The following TAF2 variants were observed in gnomAD, a reference collection of about 807,000 sequenced individuals.
TAF2 encodes the protein transcription initiation factor TFIID subunit 2.
TAF2 carries 61 observed loss-of-function variants against 138.5 expected under a neutral mutation model. That is an observed-to-expected ratio of 0.44 (90% confidence interval 0.36 to 0.54). The LOEUF (loss-of-function observed/expected upper bound fraction) is 0.54, where lower values mean the gene tolerates loss of function less well. Among genes scored for constraint, TAF2 ranks in the 20% least tolerant of loss-of-function variants. The pLI is 0.00. For missense variants in TAF2, 1,090 were observed against 1,427.9 expected, an observed-to-expected ratio of 0.76 and a Z score of 3.81; for synonymous variants, 475 against 469.9, an observed-to-expected ratio of 1.01 and a Z score of -0.14.
chr8:119,765,668 G>A (rs1017686465), intron 18 of TAF2, among the ~76,000 whole-genome samples: 1 of 151,994 alleles, frequency 6.6e-6, no homozygotes, highest in Admixed American at 6.5e-5. Flanking sequence ...TTTTTAAGGA[G>A]GAAAGAAATT....
chr8:119,754,990 G>A (rs767401693), intron 22 of TAF2, among the ~76,000 whole-genome samples: 6 of 152,176 alleles, frequency 3.9e-5, no homozygotes, highest in Admixed American at 3.9e-4. Context: ...TAACATTTTT[G>A]AGTATTTCAT....
chr8:119,830,699 A>G (rs1162030185), intron 2 of TAF2, among the ~76,000 whole-genome samples: 1 of 152,248 alleles, frequency 6.6e-6, no homozygotes, highest in Non-Finnish European at 1.5e-5. Context: ...ATATACATAC[A>G]TGGGTAACAA....
At position 119,831,573 on chromosome 8, in the gene TAF2, A is replaced by G. The variant is rs553652840; in HGVS notation, c.138+104T>C. On this transcript the variant is annotated intron_variant, in intron 2 of 25. Transcript: ENST00000378164. ...TTTAATTCTTACCTATTCTTGAAACACAATTATCTGGAAGACTACAAACTT... is the reference window on the plus strand; with the variant it reads ...TTTAATTCTTACCTATTCTTGAAACGCAATTATCTGGAAGACTACAAACTT... 33 of 807,832 alleles carry G rather than the reference A, an allele frequency of 4.1e-5. No homozygotes were observed. The East Asian group carries it at 8.6e-4, about 21-fold the overall frequency. The allele number at this position is 807,832 out of a possible 1,614,324, so 50.0% of individuals were successfully genotyped here.
intron 10 of TAF2, chr8:119,791,927 T>C (rs961253898): frequency 1.3e-5 from 2 of 153,976 alleles, no homozygotes; most frequent in African/African-American, 4.8e-5. Context: ...CTGGAAGACA[T>C]AAAGACCACA....
intron 2 of TAF2, among the ~76,000 whole-genome samples, chr8:119,826,625 T>C (rs980920899): frequency 1.3e-5 from 2 of 151,950 alleles, no homozygotes; most frequent in African/African-American, 4.8e-5. Flanking sequence ...GGTTTCACTC[T>C]TGTTGTCCAG....
intron 10 of TAF2, chr8:119,791,751 G>A (rs1823445070): frequency 3.7e-6 from 1 of 269,222 alleles, no homozygotes. Flanking sequence ...TACAATCAGT[G>A]CAATTCCAAT....
rs1285862253 is a variant in TAF2, at chr8:119,831,588, A to C, written c.138+89T>G. ...TTCTTGAAACACAATTATCTGGAAG[A>C]CTACAAACTTTCTAAGTACTGTGAG... On this transcript the variant is annotated intron_variant, in intron 2 of 25. Coordinates refer to ENST00000378164, the MANE Select transcript of TAF2 (RefSeq NM_003184.4). 9 of 941,158 alleles carry C rather than the reference A, an allele frequency of 9.6e-6. No individual in the cohort carries two copies. The African/African-American group carries it at 1.1e-4, about 12-fold the overall frequency. The allele number at this position is 941,158 out of a possible 1,614,324, so 58.3% of individuals were successfully genotyped here. A position where few individuals can be genotyped will look rare whatever the true frequency, so the allele number is the denominator to read the frequency against.
intron 25 of TAF2, among the ~76,000 whole-genome samples, chr8:119,741,927 G>T (rs965240680): frequency 3.9e-5 from 6 of 152,134 alleles, no homozygotes; most frequent in Admixed American, 1.3e-4. Context: ...TCCTCTCTTT[G>T]TAAGTGATGA....
In TAF2 at chr8:119,731,252, C is replaced by G. The variant is rs1489469768; in HGVS notation, c.*672G>C. 3.9e-5 allele frequency: 6 copies of G among 152,128 alleles called. No individual in the cohort carries two copies. Among genetic ancestry groups the G allele is most frequent in the Non-Finnish European group, 5.9e-5 (4 of 68,038 alleles). The allele number at this position is 152,128 out of a possible 1,614,324, so 9.4% of individuals were successfully genotyped here. A position where few individuals can be genotyped will look rare whatever the true frequency, so the allele number is the denominator to read the frequency against. On this transcript the variant is annotated 3_prime_UTR_variant, in exon 26 of 26. Transcript: ENST00000378164. ...GAAAATAATTTTGGATTTGATAGTT[C>G]TGCTAAATTCCAACATCGTAACCGC... is the stretch of plus-strand genomic sequence containing the variant.
chr8:119,800,274 T>C (rs1288468991), intron 6 of TAF2, among the ~76,000 whole-genome samples: 1 of 152,232 alleles, frequency 6.6e-6, no homozygotes, highest in Non-Finnish European at 1.5e-5. Flanking sequence ...TTTATAGTTT[T>C]AGGTCTAACA....
intron 18 of TAF2, among the ~76,000 whole-genome samples, chr8:119,769,451 T>C (rs2131087594): frequency 6.6e-6 from 1 of 152,202 alleles, no homozygotes; most frequent in Non-Finnish European, 1.5e-5. Context: ...TGGATCCTAA[T>C]GATTTCATTT....
intron 2 of TAF2, among the ~76,000 whole-genome samples, chr8:119,823,932 C>T (rs192529113): frequency 1.1e-4 from 16 of 152,228 alleles, no homozygotes; most frequent in Admixed American, 5.2e-4. Flanking sequence ...GCTATGTTTT[C>T]GCATAGAGAC....
At chr8:119,742,212 A>G (rs1449271633) in intron 25 of TAF2, among the ~76,000 whole-genome samples, 1 of 152,220 alleles carries the variant, frequency 6.6e-6, no homozygotes, top group Non-Finnish European at 1.5e-5. Context: ...AGCATGGCAA[A>G]GAAAGAGCAA....
In TAF2 at chr8:119,781,212, C is replaced by G. The variant is rs762314851; in HGVS notation, c.2113-19G>C. 11 of 1,613,462 alleles carry G rather than the reference C, an allele frequency of 6.8e-6. No individual in the cohort carries two copies. Among genetic ancestry groups the G allele is most frequent in the Non-Finnish European group, 9.3e-6 (11 of 1,179,794 alleles). ...TTGCAATCTGCAAATAATTAGAAAACAAAGTAATTTCCATTACCAATGCAA... is the reference window on the plus strand; with the variant it reads ...TTGCAATCTGCAAATAATTAGAAAAGAAAGTAATTTCCATTACCAATGCAA... On this transcript the variant is annotated intron_variant, in intron 16 of 25. Coordinates refer to ENST00000378164, the MANE Select transcript of TAF2 (RefSeq NM_003184.4).
intron 22 of TAF2, 117 bp downstream of exon 22, chr8:119,755,889 G>T: frequency 1.5e-6 from 1 of 669,492 alleles, no homozygotes. Context: ...CTACTTAAAA[G>T]AAAAAAAAAA....
chr8:119,733,334 G>T (rs1260325694), intron 25 of TAF2, among the ~76,000 whole-genome samples: 2 of 152,094 alleles, frequency 1.3e-5, no homozygotes, highest in Non-Finnish European at 1.5e-5. Flanking sequence ...AAAAGGTGGG[G>T]AGTCTATAAA....
At chr8:119,780,053 T>C (rs1180363372) in intron 17 of TAF2, among the ~76,000 whole-genome samples, 1 of 152,236 alleles carries the variant, frequency 6.6e-6, no homozygotes, top group Non-Finnish European at 1.5e-5. Context: ...CTTATATCTT[T>C]GACTAAAATC....
intron 15 of TAF2, among the ~76,000 whole-genome samples, chr8:119,784,174 A>C (rs368829905): frequency 2.8e-4 from 43 of 152,348 alleles, no homozygotes; most frequent in African/African-American, 1.0e-3. Flanking sequence ...CATCAAAAGA[A>C]CACCACCTGT....
rs1200527053 is a variant in TAF2, at chr8:119,742,728, G to A, written c.3215-72C>T. ...CCCAAAAGAAAAAAAAAGGCTGACAGGTTTTTATAAGCTAGCCTTAAAGAC... is the reference window on the plus strand; with the variant it reads ...CCCAAAAGAAAAAAAAAGGCTGACAAGTTTTTATAAGCTAGCCTTAAAGAC... On this transcript the variant is annotated intron_variant, in intron 24 of 25. Transcript: ENST00000378164. 7 of 1,568,844 alleles carry A rather than the reference G, an allele frequency of 4.5e-6. No homozygotes were observed. The East Asian group carries it at 1.4e-4, about 32-fold the overall frequency.
Sources: allele counts gnomAD v4.1 joint callset (sites outside exome capture counted in the v4.1 genomes callset), GRCh38; gene constraint gnomAD v4.1.1; transcripts MANE v1.5; gene names NCBI Gene and HGNC (gene_info 2026-07-23, HGNC 2026-07-21).